The following CNTN5 variants were observed in gnomAD, a reference collection of about 807,000 sequenced individuals.
The protein encoded by CNTN5 is contactin 5.
CNTN5 carries 77 observed loss-of-function variants against 129.1 expected under a neutral mutation model. The ratio of observed to expected loss-of-function variants is 0.60; its 90% CI spans 0.50 to 0.72. CNTN5 has a LOEUF of 0.72. Among genes scored for constraint, CNTN5 ranks in the 30% least tolerant of loss-of-function variants. CNTN5 has a pLI of 0.00. For missense variants in CNTN5, 1,478 were observed against 1,328.8 expected, an observed-to-expected ratio of 1.11 and a Z score of -1.75; for synonymous variants, 509 against 465.6, an observed-to-expected ratio of 1.09 and a Z score of -1.20.
At chr11:100,073,468 T>C (rs1174656350) in intron 12 of CNTN5, among the ~76,000 whole-genome samples, 2 of 151,512 alleles carry the variant, frequency 1.3e-5, no homozygotes, top group Non-Finnish European at 2.9e-5. Context: ...GAAATACATA[T>C]AATATCAGAT....
intron 3 of CNTN5, among the ~76,000 whole-genome samples, chr11:99,784,824 G>A (rs1222431869): frequency 1.4e-5 from 2 of 140,468 alleles, no homozygotes; most frequent in South Asian, 2.3e-4. Context: ...TTTTGAGATG[G>A]GGTCTTGCTT....
At chr11:99,349,297 A>G (rs1938123635) in intron 2 of CNTN5, among the ~76,000 whole-genome samples, 1 of 152,124 alleles carries the variant, frequency 6.6e-6, no homozygotes, top group Non-Finnish European at 1.5e-5. Context: ...ACTCCTCCAT[A>G]GTCATGCTAT....
At chr11:99,482,353 G>T (rs953298279) in intron 2 of CNTN5, among the ~76,000 whole-genome samples, 6 of 152,108 alleles carry the variant, frequency 3.9e-5, no homozygotes, top group Non-Finnish European at 5.9e-5. Flanking sequence ...AAATGATAAA[G>T]AAATTATAGT....
chr11:99,694,594 C>T lies in CNTN5; in HGVS notation c.56-124950C>T, dbSNP rs143620548. ...TGCAGGTTTGTTACTTAGGTATACA[C>T]GTGCCATGGTGGTTTGCTGCACCTA... On this transcript the variant is annotated intron_variant, in intron 3 of 24. Transcript: ENST00000524871. Among the ~76,000 whole-genome samples, 437 of 152,124 alleles carry T rather than the reference C, an allele frequency of 2.9e-3. 5 individuals carry two copies. The highest frequency in any genetic ancestry group is 9.9e-3 in the African/African-American group (412 of 41,538).
At chr11:99,485,819 G>A (rs983475028) in intron 2 of CNTN5, among the ~76,000 whole-genome samples, 9 of 151,992 alleles carry the variant, frequency 5.9e-5, no homozygotes, top group Admixed American at 2.0e-4. Context: ...CTAAAATTAC[G>A]GAGAGGTAAT....
chr11:99,993,966 T>G (rs1185339422), intron 8 of CNTN5, among the ~76,000 whole-genome samples: 2 of 152,164 alleles, frequency 1.3e-5, no homozygotes, highest in African/African-American at 4.8e-5. Context: ...TTGAAGCCTC[T>G]TATTCAACTC....
intron 8 of CNTN5, among the ~76,000 whole-genome samples, chr11:99,971,810 A>G (rs569250569): frequency 2.9e-4 from 44 of 151,822 alleles, no homozygotes; most frequent in African/African-American, 1.1e-3. Context: ...TTAGCAATAA[A>G]CATTTTTAAA....
intron 15 of CNTN5, among the ~76,000 whole-genome samples, chr11:100,220,381 ATC>A (rs56923053): frequency 0.028 from 4,327 of 152,196 alleles, 221 homozygotes; most frequent in African/African-American, 0.099. Flanking sequence ...TTATCTAAAA[ATC>A]TCTGTCTCAT....
At chr11:100,313,995 T>A (rs1300670526) in intron 21 of CNTN5, among the ~76,000 whole-genome samples, 1 of 152,142 alleles carries the variant, frequency 6.6e-6, no homozygotes, top group East Asian at 1.9e-4. Flanking sequence ...AAATAAATAA[T>A]CAATATCCCT....
intron 3 of CNTN5, among the ~76,000 whole-genome samples, chr11:99,600,469 C>G (rs1275965349): frequency 6.6e-6 from 1 of 152,072 alleles, no homozygotes; most frequent in African/African-American, 2.4e-5. Flanking sequence ...AGGGAAAGGC[C>G]AAGGACTAAC....
chr11:99,619,360 A>G (rs1246517757), intron 3 of CNTN5, among the ~76,000 whole-genome samples: 2 of 152,082 alleles, frequency 1.3e-5, no homozygotes, highest in African/African-American at 4.8e-5. Context: ...AACTAATTAA[A>G]CATAATATAT....
At chr11:99,649,480 G>A (rs1952079670) in intron 3 of CNTN5, among the ~76,000 whole-genome samples, 1 of 151,672 alleles carries the variant, frequency 6.6e-6, no homozygotes, top group Admixed American at 6.6e-5. Context: ...TAAATCTCAG[G>A]TATTTTACTG....
chr11:99,852,137 A>G (rs2135728247), intron 6 of CNTN5, among the ~76,000 whole-genome samples: 1 of 152,286 alleles, frequency 6.6e-6, no homozygotes. Flanking sequence ...TTGTAACTTT[A>G]TCTTCCATAT....
At chr11:99,590,873 T>G (rs1949957795) in intron 3 of CNTN5, among the ~76,000 whole-genome samples, 1 of 152,120 alleles carries the variant, frequency 6.6e-6, no homozygotes, top group South Asian at 2.1e-4. Flanking sequence ...TCAGAATATA[T>G]TTTTTCCAAA....
At chr11:100,289,721 A>C (rs1395248706) in intron 18 of CNTN5, among the ~76,000 whole-genome samples, 46 of 150,762 alleles carry the variant, frequency 3.1e-4, no homozygotes, top group Non-Finnish European at 5.3e-4. Context: ...GCCCTCTCTC[A>C]CCACTCCTAT....
chr11:99,248,052 A>C (rs1206241324), intron 1 of CNTN5, among the ~76,000 whole-genome samples: 4 of 152,240 alleles, frequency 2.6e-5, no homozygotes, highest in African/African-American at 7.2e-5. Flanking sequence ...CTACCACAGT[A>C]GCTGAACTAA....
intron 3 of CNTN5, among the ~76,000 whole-genome samples, chr11:99,745,599 G>A (rs1944028502): frequency 6.6e-6 from 1 of 152,094 alleles, no homozygotes. Flanking sequence ...AGGCTTAGAT[G>A]CAAAAAATGA....
rs536658924 is a variant in CNTN5 at position 100,265,488 on chromosome 11, G to C, written c.2165-5604G>C. 3.9e-5 allele frequency among the ~76,000 whole-genome samples: 6 copies of C among 152,168 alleles called. No individual in the cohort carries two copies. In the South Asian group the frequency reaches 1.2e-3, roughly 32 times the overall value. Reference sequence around the variant, plus strand: ...AGGTCATGGGCCTTTTGGTTTCATAGTTGCTCCCTCATTCTAAATTAATTT... The same window carrying C: ...AGGTCATGGGCCTTTTGGTTTCATACTTGCTCCCTCATTCTAAATTAATTT... On this transcript the variant is annotated intron_variant, in intron 17 of 24. Coordinates refer to ENST00000524871, the MANE Select transcript of CNTN5 (RefSeq NM_014361.4).
chr11:100,083,907 A>G (rs1944456322), intron 13 of CNTN5, among the ~76,000 whole-genome samples: 1 of 151,910 alleles, frequency 6.6e-6, no homozygotes, highest in Non-Finnish European at 1.5e-5. Context: ...TCTAGATTTC[A>G]CTTTTTTCTT....
Sources: gnomAD v4.1 joint callset for allele counts (sites outside exome capture counted in the v4.1 genomes callset) on GRCh38, gnomAD v4.1.1 for gene constraint, MANE v1.5 for transcripts, NCBI Gene and HGNC (gene_info 2026-07-23, HGNC 2026-07-21) for gene names.